KATNIP: variants seen among roughly 807,000 people sequenced by gnomAD.
KATNIP encodes the protein katanin-interacting protein.
A neutral mutation model predicts 174.0 loss-of-function variants in KATNIP; 126 were observed. That is an observed-to-expected ratio of 0.72 (90% CI 0.63 to 0.84). KATNIP has a LOEUF of 0.84. KATNIP is among the 40% of genes least tolerant of loss of function. KATNIP has a pLI of 0.00. For synonymous variants in KATNIP, 810 were observed against 835.7 expected, an observed-to-expected ratio of 0.97 and a Z score of 0.53; for missense variants, 1,958 against 2,109.7, an observed-to-expected ratio of 0.93 and a Z score of 1.41.
intron 15 of KATNIP, among the ~76,000 whole-genome samples, chr16:27,747,035 T>G (rs1444053716): frequency 6.6e-6 from 1 of 152,194 alleles, no homozygotes; most frequent in Admixed American, 6.5e-5. Context: ...ACGGCAGAAC[T>G]TGACCTGTAA....
chr16:27,695,529 C>T (rs975842053), intron 8 of KATNIP, among the ~76,000 whole-genome samples: 15 of 152,198 alleles, frequency 9.9e-5, no homozygotes, highest in African/African-American at 2.9e-4. Flanking sequence ...TCCCTTACCC[C>T]GATCTGCTTT....
chr16:27,633,543 C>T (rs535406196), intron 5 of KATNIP, among the ~76,000 whole-genome samples: 2 of 151,804 alleles, frequency 1.3e-5, no homozygotes, highest in South Asian at 2.1e-4. Context: ...CCTCCTGCCT[C>T]GGCCTCCCAA....
chr16:27,582,818 G>C (rs1289265442), intron 2 of KATNIP, among the ~76,000 whole-genome samples: 3 of 152,160 alleles, frequency 2.0e-5, no homozygotes, highest in Non-Finnish European at 2.9e-5. Context: ...CATACTCAGA[G>C]CTCAATAAAT....
chr16:27,726,698 G>A (rs2080465100), intron 14 of KATNIP, among the ~76,000 whole-genome samples: 1 of 152,228 alleles, frequency 6.6e-6, no homozygotes, highest in Non-Finnish European at 1.5e-5. Context: ...CAGGGAGGAG[G>A]AGGCTGGGCT....
At chr16:27,674,187 G>A (rs1187286067) in intron 6 of KATNIP, among the ~76,000 whole-genome samples, 2 of 152,206 alleles carry the variant, frequency 1.3e-5, no homozygotes, top group African/African-American at 4.8e-5. Flanking sequence ...AGGGATGAAA[G>A]GGGGAGAACT....
chr16:27,725,481 CAT>C (rs1272681086), intron 14 of KATNIP, among the ~76,000 whole-genome samples: 13 of 152,168 alleles, frequency 8.5e-5, no homozygotes, highest in African/African-American at 2.2e-4. Flanking sequence ...GATGTGATAA[CAT>C]GTGTGTCGTA....
At chr16:27,735,371 A>T (rs2080861166) in intron 14 of KATNIP, among the ~76,000 whole-genome samples, 1 of 152,124 alleles carries the variant, frequency 6.6e-6, no homozygotes, top group African/African-American at 2.4e-5. Flanking sequence ...TAGGATGCCC[A>T]CCTTGTGACT....
intron 21 of KATNIP, among the ~76,000 whole-genome samples, chr16:27,770,696 G>T (rs562290982): frequency 1.8e-4 from 27 of 152,358 alleles, no homozygotes; most frequent in African/African-American, 6.3e-4. Context: ...GGCCGTGGAG[G>T]AGAGGATCCT....
At chr16:27,567,651 G>C (rs2090139806) in intron 1 of KATNIP, among the ~76,000 whole-genome samples, 1 of 152,222 alleles carries the variant, frequency 6.6e-6, no homozygotes, top group South Asian at 2.1e-4. Context: ...AGCCTCCCGA[G>C]TAGCTGGCAT....
chr16:27,697,376 G>A (rs1166683673), intron 8 of KATNIP, among the ~76,000 whole-genome samples: 1 of 151,948 alleles, frequency 6.6e-6, no homozygotes, highest in East Asian at 1.9e-4. Context: ...GTATCTCCTT[G>A]TGATTTTGAT....
At chr16:27,685,052 A>T (rs935934233) in intron 8 of KATNIP, among the ~76,000 whole-genome samples, 1 of 152,182 alleles carries the variant, frequency 6.6e-6, no homozygotes, top group South Asian at 2.1e-4. Flanking sequence ...GACATGGACT[A>T]ACAAAGTTTT....
chr16:27,571,541 G>A (rs553611534), intron 1 of KATNIP, among the ~76,000 whole-genome samples: 10 of 152,320 alleles, frequency 6.6e-5, no homozygotes, highest in South Asian at 2.1e-4. Flanking sequence ...TCCCCAGGAG[G>A]CTGTGTGGCC....
At chr16:27,700,257 A>G (rs1247113700) in intron 10 of KATNIP, among the ~76,000 whole-genome samples, 1 of 152,178 alleles carries the variant, frequency 6.6e-6, no homozygotes. Context: ...AGATCTTAGT[A>G]CCTTGAATAA....
chr16:27,605,338 G>A (rs944412011), intron 2 of KATNIP, among the ~76,000 whole-genome samples: 9 of 152,174 alleles, frequency 5.9e-5, no homozygotes, highest in Non-Finnish European at 4.4e-5. Context: ...AGAAATGCTC[G>A]TTATTTTCCA....
chr16:27,573,900 G>C lies in KATNIP; in HGVS notation c.8-1G>C. On this transcript the variant is annotated splice_acceptor_variant, in intron 1 of 27. Coordinates refer to ENST00000261588, the MANE Select transcript of KATNIP (RefSeq NM_015202.5). LOFTEE classifies it high-confidence loss of function. Reference sequence around the variant, plus strand: ...TTGGTTCTGCTTTTGAACTGCGACAGGTCAGACTCTGCGAAAGGCCGAGAG... The same window carrying C: ...TTGGTTCTGCTTTTGAACTGCGACACGTCAGACTCTGCGAAAGGCCGAGAG... 3.1e-6 allele frequency: 5 copies of C among 1,614,152 alleles called. No homozygotes were observed. The highest frequency in any genetic ancestry group is 1.6e-4 in the Middle Eastern group (1 of 6,062).
intron 8 of KATNIP, 137 bp from the exon 9 acceptor site, chr16:27,698,191 T>G: frequency 1.1e-6 from 1 of 921,836 alleles, no homozygotes; most frequent in Non-Finnish European, 1.6e-6. Context: ...GTTTTCTTTG[T>G]CTTTTACCGC....
At chr16:27,697,558 T>G (rs902628004) in intron 8 of KATNIP, among the ~76,000 whole-genome samples, 1 of 150,704 alleles carries the variant, frequency 6.6e-6, no homozygotes, top group African/African-American at 2.4e-5. Context: ...CAATTGCTTT[T>G]GCTTTATATT....
intron 12 of KATNIP, 119 bp from the exon 13 acceptor site, chr16:27,708,586 A>G: frequency 1.5e-6 from 1 of 677,106 alleles, no homozygotes. Flanking sequence ...CATTGTACAG[A>G]TGGAGAGACT....
chr16:27,751,551 G>GTT (rs1480895240), intron 16 of KATNIP, among the ~76,000 whole-genome samples, 168 bp from the exon 17 acceptor site: 2 of 152,168 alleles, frequency 1.3e-5, no homozygotes, highest in Non-Finnish European at 2.9e-5. Context: ...CTTATGGTCC[G>GTT]TGCATTCCAT....
Sources: allele counts gnomAD v4.1 joint callset (sites outside exome capture counted in the v4.1 genomes callset), GRCh38; gene constraint gnomAD v4.1.1; transcripts MANE v1.5; gene names NCBI Gene and HGNC (gene_info 2026-07-23, HGNC 2026-07-21).